The following LILRB4 variants were observed in gnomAD, a reference collection of about 807,000 sequenced individuals.
LILRB4 encodes the protein leukocyte immunoglobulin-like receptor subfamily B member 4.
In LILRB4, 49 loss-of-function variants were observed where a neutral mutation model predicts 55.2. That is an observed-to-expected ratio of 0.89 (90% confidence interval 0.71 to 1.13). LILRB4 has a LOEUF of 1.13. Ranked by LOEUF, LILRB4 falls within the 50% of genes most tolerant of loss-of-function variation. The pLI is 0.00. For missense variants in LILRB4, 590 were observed against 555.2 expected, an observed-to-expected ratio of 1.06 and a Z score of -0.63; for synonymous variants, 229 against 213.8, an observed-to-expected ratio of 1.07 and a Z score of -0.62.
intron 1 of LILRB4, 38 bp from the exon 2 acceptor site, chr19:54,663,494 C>T: frequency 1.2e-6 from 2 of 1,608,108 alleles, no homozygotes; most frequent in Non-Finnish European, 1.7e-6. Flanking sequence ...CCTGCTCAGG[C>T]TTCCGGGGCA....
exon 12 of LILRB4, chr19:54,668,034 A>G (rs754235758): frequency 1.9e-6 from 3 of 1,613,876 alleles, no homozygotes; most frequent in Non-Finnish European, 1.7e-6. Flanking sequence ...GGGGGGACCC[A>G]GACCCCACAA....
chr19:54,665,873 C>G lies in LILRB4; in HGVS notation c.816C>G (p.Leu272=). 1 of 1,613,816 alleles carries G rather than the reference C, an allele frequency of 6.2e-7. No individual in the cohort carries two copies. The highest frequency in any genetic ancestry group is 1.1e-5 in the South Asian group (1 of 91,026). ...TCTTGGTGGTCTCCATCCTGCTTCT[C>G]TCCCTCCTCCTCTTCCTCCTCCTCC... The change falls in exon 7 of 12, where the codon CTC becomes CTG. Residue 272 remains leucine, a synonymous_variant. Transcript: ENST00000430952. This position sits in a 1 kb window ranked among gnomAD's most constrained non-coding sequence, Gnocchi z 5.5.
exon 4 of LILRB4, chr19:54,664,195 G>A: frequency 6.2e-7 from 1 of 1,613,048 alleles, no homozygotes; most frequent in Non-Finnish European, 8.5e-7. Flanking sequence ...GGAGCCTACA[G>A]TAAACCCACC....
chr19:54,667,324 G>T (rs535604865), intron 10 of LILRB4: 1 of 598,080 alleles, frequency 1.7e-6, no homozygotes, highest in Non-Finnish European at 3.1e-6. Flanking sequence ...AAGCCTGGAC[G>T]GAGAGGGCCA....
In LILRB4 at chr19:54,663,019, C is replaced by A; in HGVS notation, c.-15C>A. On this transcript the variant is annotated 5_prime_UTR_variant, in exon 1 of 12. In the 5' UTR this introduces an upstream ATG that the reference lacks. Transcript: ENST00000430952. ...TCATCCATCTGCACAGCTGGGGCCC[C>A]TGGGAGGAGACGCCATGATCCCCAC... The A allele has an allele frequency of 6.2e-7, 1 of 1,614,042 alleles. No homozygotes were observed. The highest frequency in any genetic ancestry group is 8.5e-7 in the Non-Finnish European group (1 of 1,179,976).
In LILRB4 at chr19:54,666,019, T is replaced by C; in HGVS notation, c.874+88T>C. The C allele has an allele frequency of 1.3e-6, 2 of 1,514,888 alleles. No homozygotes were observed. Among genetic ancestry groups the C allele is most frequent in the Non-Finnish European group, 1.8e-6 (2 of 1,111,938 alleles). The allele number at this position is 1,514,888 out of a possible 1,614,324, so 93.8% of individuals were successfully genotyped here. ...GGACTCCAGATAGGAGAGGTCATCTTAGAAACTCTGCTCCAGAAATTCCCA... is the reference window on the plus strand; with the variant it reads ...GGACTCCAGATAGGAGAGGTCATCTCAGAAACTCTGCTCCAGAAATTCCCA... On this transcript the variant is annotated intron_variant, in intron 7 of 11. Coordinates refer to ENST00000430952, the Ensembl canonical transcript of LILRB4. This position sits in a 1 kb window ranked among gnomAD's most constrained non-coding sequence, Gnocchi z 4.8.
At chr19:54,667,272 C>A in intron 10 of LILRB4, 1 of 577,638 alleles carries the variant, frequency 1.7e-6, no homozygotes. Flanking sequence ...TGGGGCCAGT[C>A]TGAATGGAAA....
rs1368509106 is a variant in LILRB4 at position 54,666,303 on chromosome 19, GC to G, written c.940del (p.Leu314TyrfsTer20). ...GCCGAGCCAGAGCCCAAGGACGGGG[GC>G]CTACAGAGGAGGTAATTCTGCCCAA... On this transcript the variant is annotated frameshift_variant, in exon 8 of 12. Coordinates refer to ENST00000430952, the Ensembl canonical transcript of LILRB4. LOFTEE classifies it high-confidence loss of function. The surrounding 1 kb of genome is among the most constrained non-coding windows in gnomAD (Gnocchi z 4.8). 1 of 1,610,038 alleles carries G rather than the reference GC, an allele frequency of 6.2e-7. No individual in the cohort carries two copies. Among genetic ancestry groups the G allele is most frequent in the Non-Finnish European group, 8.5e-7 (1 of 1,177,868 alleles).
Position 54,665,026 on chromosome 19 carries a change from G to C in LILRB4, c.707-104G>C. The C allele has an allele frequency of 6.8e-7, 1 of 1,471,106 alleles. No homozygotes were observed. Among genetic ancestry groups the C allele is most frequent in the Non-Finnish European group, 9.4e-7 (1 of 1,059,436 alleles). 91.1% of individuals were successfully genotyped at this position (1,471,106 alleles called of 1,614,324 possible). On this transcript the variant is annotated intron_variant, in intron 5 of 11. Coordinates refer to ENST00000430952, the Ensembl canonical transcript of LILRB4. The surrounding 1 kb of genome is among the most constrained non-coding windows in gnomAD (Gnocchi z 5.5). The stretch of plus-strand genomic sequence containing the variant: ...CTCCCAAGGCCCTGAGGCTGGGCTG[G>C]TGAGGGGTGAGGGGGTCAAGGCTGA...
chr19:54,667,853 C>G lies in LILRB4; in HGVS notation c.1198-20C>G, dbSNP rs1343117815. The G allele has an allele frequency of 6.2e-7, 1 of 1,610,382 alleles. No individual in the cohort carries two copies. The highest frequency in any genetic ancestry group is 8.5e-7 in the Non-Finnish European group (1 of 1,179,110). ...CCCACCCCCACCACGTTCCTTCCCT[C>G]TCACTCTCCCCCGCTGCAGGCTGCT... On this transcript the variant is annotated intron_variant, in intron 11 of 11. Transcript: ENST00000430952.
At chr19:54,667,766 A>G (rs11574591) in exon 11 of LILRB4, 28,400 of 1,556,896 alleles carry the variant, frequency 0.018, 668 homozygotes, top group African/African-American at 0.14. Context: ...ACAGACAGGC[A>G]GAAGAGGACA....
chr19:54,665,624 C>T lies in LILRB4; in HGVS notation c.758-191C>T, dbSNP rs116882718. Among the ~76,000 whole-genome samples, 798 of 152,206 alleles carry T rather than the reference C, an allele frequency of 5.2e-3. 8 individuals carry two copies. Among genetic ancestry groups the T allele is most frequent in the African/African-American group, 0.016 (680 of 41,514 alleles). On this transcript the variant is annotated intron_variant, in intron 6 of 11. Coordinates refer to ENST00000430952, the Ensembl canonical transcript of LILRB4. This position sits in a 1 kb window ranked among gnomAD's most constrained non-coding sequence, Gnocchi z 5.5. The stretch of plus-strand genomic sequence containing the variant: ...CCTGGCTGGAGGGGTCTGGGGCAGG[C>T]GATTCCCCTCTCTGAGCCTCAGTTT...
chr19:54,667,332 C>G lies in LILRB4; in HGVS notation c.1042-306C>G, dbSNP rs1374660179. 580 of 602,696 alleles carry G rather than the reference C, an allele frequency of 9.6e-4. 1 individual carries two copies. The highest frequency in any genetic ancestry group is 3.5e-3 in the East Asian group (113 of 32,258). 37.3% of individuals were successfully genotyped at this position (602,696 alleles called of 1,614,324 possible). A position where few individuals can be genotyped will look rare whatever the true frequency, so the allele number is the denominator to read the frequency against. Reference sequence around the variant, plus strand: ...ATCTGAGAAGCCTGGACGGAGAGGGCCACGTGATCCTCTAATGGACGAGCC... The same window carrying G: ...ATCTGAGAAGCCTGGACGGAGAGGGGCACGTGATCCTCTAATGGACGAGCC... On this transcript the variant is annotated intron_variant, in intron 10 of 11. Coordinates refer to ENST00000430952, the Ensembl canonical transcript of LILRB4.
chr19:54,666,531 A>T lies in LILRB4; in HGVS notation c.988+95A>T, dbSNP rs2065272553. Reference sequence around the variant, plus strand: ...GCAGGAGCACAGGCTAGGATTGGTCAGGGACTCAGGGAGAAGTGGTCTGAA... The same window carrying T: ...GCAGGAGCACAGGCTAGGATTGGTCTGGGACTCAGGGAGAAGTGGTCTGAA... On this transcript the variant is annotated intron_variant, in intron 9 of 11. Transcript: ENST00000430952. The surrounding 1 kb of genome is among the most constrained non-coding windows in gnomAD (Gnocchi z 4.8). 3 of 1,504,818 alleles carry T rather than the reference A, an allele frequency of 2.0e-6. No individual in the cohort carries two copies. Among genetic ancestry groups the T allele is most frequent in the Non-Finnish European group, 1.8e-6 (2 of 1,092,492 alleles). The allele number at this position is 1,504,818 out of a possible 1,614,324, so 93.2% of individuals were successfully genotyped here.
chr19:54,663,755 G>T (rs749944629), exon 3 of LILRB4: 4 of 1,613,928 alleles, frequency 2.5e-6, no homozygotes, highest in Non-Finnish European at 3.4e-6. Flanking sequence ...TTCTTCCAGG[G>T]CCCCTCCCCA....
chr19:54,664,239 G>A (rs1337293780), exon 4 of LILRB4: 1 of 1,614,036 alleles, frequency 6.2e-7, no homozygotes, highest in Non-Finnish European at 8.5e-7. Context: ...TGTGACCTCA[G>A]GAAAGAGCGT....
At position 54,666,639 on chromosome 19, in the gene LILRB4, G is replaced by A; in HGVS notation, c.989-58G>A. 1 of 1,560,824 alleles carries A rather than the reference G, an allele frequency of 6.4e-7. No homozygotes were observed. Among genetic ancestry groups the A allele is most frequent in the African/African-American group, 1.4e-5 (1 of 74,008 alleles). ...ATGGGAACAGGGCAGGGACCAGCAG[G>A]AATGAGAGGTCCCAGGGAACCTTCC... is the stretch of plus-strand genomic sequence containing the variant. On this transcript the variant is annotated intron_variant, in intron 9 of 11. Coordinates refer to ENST00000430952, the Ensembl canonical transcript of LILRB4. The surrounding 1 kb of genome is among the most constrained non-coding windows in gnomAD (Gnocchi z 4.8).
In LILRB4 at chr19:54,666,113, T is replaced by A; in HGVS notation, c.875-127T>A. On this transcript the variant is annotated intron_variant, in intron 7 of 11. Coordinates refer to ENST00000430952, the Ensembl canonical transcript of LILRB4. The surrounding 1 kb of genome is among the most constrained non-coding windows in gnomAD (Gnocchi z 4.8). ...AAGTGCTTTATTCTTTCGGTTTTTC[T>A]AAACTTAGAAAGTATTTAAAACATC... 1 of 1,265,228 alleles carries A rather than the reference T, an allele frequency of 7.9e-7. No individual in the cohort carries two copies. The highest frequency in any genetic ancestry group is 1.1e-6 in the Non-Finnish European group (1 of 909,008). The allele number at this position is 1,265,228 out of a possible 1,614,324, so 78.4% of individuals were successfully genotyped here.
Position 54,666,588 on chromosome 19 carries a change from C to A in LILRB4, c.989-109C>A. ...TTGTGGGACCTCGGGGACATCACAG[C>A]CCCTCCCTGCGTTGCAGTGGCACTA... On this transcript the variant is annotated intron_variant, in intron 9 of 11. Coordinates refer to ENST00000430952, the Ensembl canonical transcript of LILRB4. The surrounding 1 kb of genome is among the most constrained non-coding windows in gnomAD (Gnocchi z 4.8). The A allele has an allele frequency of 1.4e-6, 2 of 1,422,732 alleles. No homozygotes were observed. Among genetic ancestry groups the A allele is most frequent in the South Asian group, 1.2e-5 (1 of 80,584 alleles). 88.1% of individuals were successfully genotyped at this position (1,422,732 alleles called of 1,614,324 possible).
Sources: gnomAD v4.1 joint callset for allele counts (sites outside exome capture counted in the v4.1 genomes callset) on GRCh38, gnomAD v4.1.1 for gene constraint, Gnocchi (gnomAD v3.1) non-coding constraint, MANE v1.5 for transcripts, NCBI Gene and HGNC (gene_info 2026-07-23, HGNC 2026-07-21) for gene names.